The following CCBE1 variants were observed in gnomAD, a reference collection of about 807,000 sequenced individuals.
The protein encoded by CCBE1 is collagen and calcium binding EGF domains 1.
A neutral mutation model predicts 50.0 loss-of-function variants in CCBE1; 37 were observed. That is an observed-to-expected ratio of 0.74 (90% CI 0.57 to 0.97). CCBE1 has a LOEUF of 0.97. CCBE1 is among the 50% of genes least tolerant of loss of function. The probability of loss-of-function intolerance (pLI) is 0.00; values close to 1 mark genes in which losing one functional copy is unlikely to be tolerated. For synonymous variants in CCBE1, 234 were observed against 203.7 expected (o/e 1.15, Z -1.27); for missense variants, 538 against 523.8 (o/e 1.03, Z -0.26).
chr18:59,441,066 C>T (rs577288205), intron 7 of CCBE1, among the ~76,000 whole-genome samples: 1 of 152,332 alleles, frequency 6.6e-6, no homozygotes, highest in Admixed American at 6.5e-5. Flanking sequence ...CAAAACCCAG[C>T]TCAGTTATTC....
intron 2 of CCBE1, among the ~76,000 whole-genome samples, chr18:59,601,191 C>T (rs1019928436): frequency 6.6e-6 from 1 of 151,552 alleles, no homozygotes; most frequent in South Asian, 2.1e-4. Context: ...AACACCATGC[C>T]CAGCTTATTT....
intron 2 of CCBE1, among the ~76,000 whole-genome samples, chr18:59,587,740 A>T (rs534877620): frequency 2.0e-5 from 3 of 152,238 alleles, no homozygotes; most frequent in Non-Finnish European, 4.4e-5. Flanking sequence ...TGAAAGAAAA[A>T]TAAAATTTAT....
intron 5 of CCBE1, 182 bp from the exon 6 acceptor site, chr18:59,455,133 G>A (rs976969801): frequency 5.7e-5 from 39 of 685,072 alleles, no homozygotes; most frequent in Middle Eastern, 2.9e-4. Flanking sequence ...TCAGGGAAGA[G>A]GGGAGGACAG....
intron 2 of CCBE1, among the ~76,000 whole-genome samples, chr18:59,522,104 G>A (rs971214552): frequency 3.4e-5 from 5 of 147,512 alleles, no homozygotes; most frequent in Non-Finnish European, 7.5e-5. Context: ...CCATCAGAGG[G>A]ACAAACCATG....
chr18:59,466,832 A>G lies in CCBE1; in HGVS notation c.460T>C (p.Leu154=), dbSNP rs796238108. 1 of 1,613,762 alleles carries G rather than the reference A, an allele frequency of 6.2e-7. No individual in the cohort carries two copies. ...CGGCACTCGCAGCGGTAGCTGCCCA[A>G]GGTATTGATGCAGATGTGGGCACAC... The part of the protein sequence containing the change: ...TLCAHICINT[L]GSYRCECREG... Residue 154 remains leucine (L), a synonymous_variant, in exon 5 of 11, where the codon TTG becomes CTG. Transcript: ENST00000439986.
intron 2 of CCBE1, among the ~76,000 whole-genome samples, chr18:59,624,669 A>G (rs548762480): frequency 6.6e-4 from 101 of 152,298 alleles, no homozygotes; most frequent in Non-Finnish European, 1.2e-3. Flanking sequence ...GGTTGTTTCA[A>G]GGGTGAGAAA....
intron 2 of CCBE1, among the ~76,000 whole-genome samples, chr18:59,615,578 G>T (rs2144592969): frequency 6.6e-6 from 1 of 152,150 alleles, no homozygotes; most frequent in South Asian, 2.1e-4. Flanking sequence ...CTATACTACA[G>T]TTAATTATAA....
chr18:59,588,022 G>A (rs370537762), intron 2 of CCBE1, among the ~76,000 whole-genome samples: 1 of 152,168 alleles, frequency 6.6e-6, no homozygotes, highest in East Asian at 1.9e-4. Context: ...TGAGTTGGAA[G>A]ACTTGTATTA....
intron 2 of CCBE1, among the ~76,000 whole-genome samples, chr18:59,646,817 A>G (rs879555067): frequency 1.3e-5 from 2 of 152,228 alleles, no homozygotes; most frequent in Non-Finnish European, 2.9e-5. Context: ...TGTTTTAACC[A>G]TCAGCCAAAC....
At chr18:59,507,079 C>T (rs1339643377) in intron 2 of CCBE1, among the ~76,000 whole-genome samples, 2 of 152,184 alleles carry the variant, frequency 1.3e-5, no homozygotes, top group Non-Finnish European at 2.9e-5. Context: ...CAGCCCAAGT[C>T]CCATTTTCCA....
At chr18:59,561,840 C>A (rs915962650) in intron 2 of CCBE1, among the ~76,000 whole-genome samples, 1 of 152,122 alleles carries the variant, frequency 6.6e-6, no homozygotes, top group African/African-American at 2.4e-5. Context: ...GCTCAAGCAG[C>A]CGAGACAGGG....
chr18:59,460,433 T>G (rs1303129078), intron 5 of CCBE1, among the ~76,000 whole-genome samples: 1 of 152,236 alleles, frequency 6.6e-6, no homozygotes, highest in East Asian at 1.9e-4. Flanking sequence ...AACGAAATAT[T>G]GAGCTTACTA....
chr18:59,685,735 C>G (rs1401426595), intron 2 of CCBE1: 1 of 152,214 alleles, frequency 6.6e-6, no homozygotes, highest in African/African-American at 2.4e-5. Flanking sequence ...TATGCGCAGT[C>G]AAGGCTGAGA....
At chr18:59,591,189 T>C (rs1262036108) in intron 2 of CCBE1, among the ~76,000 whole-genome samples, 1 of 32,060 alleles carries the variant, frequency 3.1e-5, no homozygotes, top group Non-Finnish European at 4.6e-5. Context: ...GAGCTTGCAG[T>C]GAGCCGAGAT....
chr18:59,606,926 A>G (rs1335700947), intron 2 of CCBE1, among the ~76,000 whole-genome samples: 1 of 152,108 alleles, frequency 6.6e-6, no homozygotes, highest in Non-Finnish European at 1.5e-5. Context: ...TCACTGTTTT[A>G]TAATTAGTCG....
At chr18:59,694,522 C>T (rs947166853) in intron 2 of CCBE1, among the ~76,000 whole-genome samples, 1 of 152,210 alleles carries the variant, frequency 6.6e-6, no homozygotes, top group Non-Finnish European at 1.5e-5. Context: ...TGGTTTCTTA[C>T]AGCAGTGCTT....
At chr18:59,647,432 T>C (rs2054069803) in intron 2 of CCBE1, among the ~76,000 whole-genome samples, 1 of 152,226 alleles carries the variant, frequency 6.6e-6, no homozygotes, top group African/African-American at 2.4e-5. Context: ...ACCTGTCTGA[T>C]GCAGTTATTT....
chr18:59,582,036 C>A (rs865997489), intron 2 of CCBE1, among the ~76,000 whole-genome samples: 5 of 152,032 alleles, frequency 3.3e-5, no homozygotes, highest in African/African-American at 1.2e-4. Flanking sequence ...CCTAAGACAC[C>A]CCCCAGGTAC....
At chr18:59,440,056 A>C (rs887962973) in intron 7 of CCBE1, among the ~76,000 whole-genome samples, 3 of 152,184 alleles carry the variant, frequency 2.0e-5, no homozygotes, top group African/African-American at 7.2e-5. Context: ...CAAAAACTGG[A>C]GAGTCTTCCT....
Sources: gnomAD v4.1 joint callset for allele counts (sites outside exome capture counted in the v4.1 genomes callset) on GRCh38, gnomAD v4.1.1 for gene constraint, MANE v1.5 for transcripts, NCBI Gene and HGNC (gene_info 2026-07-23, HGNC 2026-07-21) for gene names.